Variants in MEIKIN observed in about 807,000 individuals in gnomAD.
MEIKIN encodes the protein meiosis-specific kinetochore protein.
In MEIKIN at chr5:131,873,610, G is replaced by C. The variant is rs1208873220; in HGVS notation, c.774+5368C>G. Among the ~76,000 whole-genome samples, 6 of 152,112 alleles carry C rather than the reference G, an allele frequency of 3.9e-5. No individual in the cohort carries two copies. The East Asian group carries it at 9.6e-4, about 24-fold the overall frequency. On this transcript the variant is annotated intron_variant, in intron 9 of 12. Coordinates refer to ENST00000442687, the MANE Select transcript of MEIKIN (RefSeq NM_001303622.2). ...ATCAATGAGACAGAAAGTTAACAAG[G>C]ATACCGAGGAATTGAACTCAGCTAT...
chr5:131,860,140 G>A (rs552949408), intron 9 of MEIKIN, among the ~76,000 whole-genome samples: 1 of 152,060 alleles, frequency 6.6e-6, no homozygotes, highest in South Asian at 2.1e-4. Flanking sequence ...GATTGCTTTA[G>A]GTAGTATGGT....
rs144813397 is a variant in MEIKIN at position 131,865,663 on chromosome 5, T to C, written c.775-10829A>G. ...GTTACAGCTGCTTTTTCCAATTTTT[T>C]TGAATTTGCTTTCATCAGGGGCACA... is the stretch of plus-strand genomic sequence containing the variant. On this transcript the variant is annotated intron_variant, in intron 9 of 12. Transcript: ENST00000442687. 3.5e-3 allele frequency among the ~76,000 whole-genome samples: 526 copies of C among 152,362 alleles called. 1 individual carries two copies. Among genetic ancestry groups the C allele is most frequent in the Middle Eastern group, 0.017 (5 of 294 alleles).
At chr5:131,936,035 A>G (rs896796217) in intron 4 of MEIKIN, among the ~76,000 whole-genome samples, 4 of 152,062 alleles carry the variant, frequency 2.6e-5, no homozygotes, top group Admixed American at 6.6e-5. Context: ...CTTGCCTTCC[A>G]TTTCTCAAAA....
chr5:131,880,182 C>T (rs192942762), intron 8 of MEIKIN, among the ~76,000 whole-genome samples: 11 of 152,138 alleles, frequency 7.2e-5, no homozygotes, highest in Admixed American at 2.0e-4. Context: ...CCCTACCTCC[C>T]GGGTTCAAGC....
chr5:131,939,397 G>A (rs2149654983), intron 4 of MEIKIN, among the ~76,000 whole-genome samples: 1 of 150,710 alleles, frequency 6.6e-6, no homozygotes, highest in African/African-American at 2.4e-5. Flanking sequence ...GATCTGTTAG[G>A]TCAATTATAA....
intron 12 of MEIKIN, among the ~76,000 whole-genome samples, chr5:131,810,220 C>T (rs929371339): frequency 5.3e-5 from 8 of 152,234 alleles, no homozygotes; most frequent in Admixed American, 1.3e-4. Context: ...AAATTTCTCA[C>T]TAAAGATAAC....
At chr5:131,899,052 A>G (rs1199626036) in intron 8 of MEIKIN, among the ~76,000 whole-genome samples, 2 of 152,346 alleles carry the variant, frequency 1.3e-5, no homozygotes, top group Admixed American at 1.3e-4. Context: ...CTGTTCAGCC[A>G]TCTTGGAACT....
chr5:131,879,205 A>G (rs1425059422), intron 8 of MEIKIN, among the ~76,000 whole-genome samples, 157 bp from the exon 9 acceptor site: 7 of 152,230 alleles, frequency 4.6e-5, no homozygotes, highest in Non-Finnish European at 1.0e-4. Flanking sequence ...AACAAGAAAA[A>G]TTAATGTATG....
intron 8 of MEIKIN, among the ~76,000 whole-genome samples, chr5:131,906,055 C>T (rs1383326535): frequency 6.6e-6 from 1 of 152,110 alleles, no homozygotes; most frequent in Non-Finnish European, 1.5e-5. Flanking sequence ...AGAGCTTCTG[C>T]ACAGCAAAAG....
chr5:131,929,933 T>C (rs1170005915), intron 5 of MEIKIN, among the ~76,000 whole-genome samples: 1 of 152,250 alleles, frequency 6.6e-6, no homozygotes, highest in African/African-American at 2.4e-5. Flanking sequence ...AGTCTACCAC[T>C]GATGGGCATT....
chr5:131,845,272 TAAAAAAAAA>T (rs1158220526), intron 11 of MEIKIN, among the ~76,000 whole-genome samples: 8 of 45,350 alleles, frequency 1.8e-4, no homozygotes, highest in Admixed American at 2.9e-4. Context: ...GACTTCGTCT[TAAAAAAAAA>T]AAAAAAAAAA....
chr5:131,882,914 GCT>G (rs1165085431), intron 8 of MEIKIN, among the ~76,000 whole-genome samples: 2 of 152,118 alleles, frequency 1.3e-5, no homozygotes, highest in African/African-American at 4.8e-5. Flanking sequence ...TTTTATTCAG[GCT>G]CTCACCTCCT....
intron 9 of MEIKIN, among the ~76,000 whole-genome samples, chr5:131,862,509 T>C (rs908515704): frequency 2.6e-5 from 4 of 152,162 alleles, no homozygotes; most frequent in African/African-American, 9.6e-5. Context: ...CTTCTCTAAT[T>C]CCTTAAAGTG....
At chr5:131,894,380 A>G (rs1296736962) in intron 8 of MEIKIN, among the ~76,000 whole-genome samples, 2 of 152,266 alleles carry the variant, frequency 1.3e-5, no homozygotes, top group East Asian at 1.9e-4. Context: ...TTGGCAATGC[A>G]GGCTCTTTTT....
At chr5:131,924,567 A>G (rs1751558658) in intron 5 of MEIKIN, among the ~76,000 whole-genome samples, 1 of 152,142 alleles carries the variant, frequency 6.6e-6, no homozygotes, top group Non-Finnish European at 1.5e-5. Context: ...CATGTTCCTG[A>G]TGATTAATGA....
intron 11 of MEIKIN, among the ~76,000 whole-genome samples, chr5:131,845,982 T>C (rs1370875447): frequency 6.6e-6 from 1 of 152,162 alleles, no homozygotes; most frequent in Non-Finnish European, 1.5e-5. Flanking sequence ...ACACTTATTA[T>C]AATCAAACTT....
intron 12 of MEIKIN, among the ~76,000 whole-genome samples, chr5:131,810,650 T>C (rs1772935765): frequency 6.6e-6 from 1 of 152,212 alleles, no homozygotes; most frequent in Non-Finnish European, 1.5e-5. Context: ...TTACCAGGTC[T>C]GTAGTTATTC....
intron 8 of MEIKIN, among the ~76,000 whole-genome samples, chr5:131,886,297 A>G (rs558575166): frequency 3.9e-5 from 6 of 152,208 alleles, no homozygotes; most frequent in Non-Finnish European, 5.9e-5. Flanking sequence ...AAAGATATCA[A>G]TATCAAGTAC....
At chr5:131,877,691 G>T (rs974783922) in intron 9 of MEIKIN, among the ~76,000 whole-genome samples, 9 of 152,114 alleles carry the variant, frequency 5.9e-5, no homozygotes, top group Non-Finnish European at 1.2e-4. Flanking sequence ...CATGCCTAAC[G>T]TAATGATTCA....
Sources: allele counts gnomAD v4.1 joint callset (sites outside exome capture counted in the v4.1 genomes callset), GRCh38; gene constraint gnomAD v4.1.1; transcripts MANE v1.5; gene names NCBI Gene and HGNC (gene_info 2026-07-23, HGNC 2026-07-21).